The following ITPR1 variants were observed in gnomAD, a reference collection of about 807,000 sequenced individuals.
ITPR1 encodes the protein inositol 1,4,5-trisphosphate-gated calcium channel ITPR1.
In ITPR1, 96 loss-of-function variants were observed where a neutral mutation model predicts 318.4. That is an observed-to-expected ratio of 0.30 (90% CI 0.26 to 0.36). The LOEUF (loss-of-function observed/expected upper bound fraction) is 0.36. Among genes scored for constraint, ITPR1 ranks in the 10% least tolerant of loss-of-function variants. The pLI is 1.00. For missense variants in ITPR1, 2,440 were observed against 3,460.2 expected, an observed-to-expected ratio of 0.71 and a Z score of 7.40; for synonymous variants, 1,312 against 1,289.9, an observed-to-expected ratio of 1.02 and a Z score of -0.37.
chr3:4,584,799 G>A (rs566933497), intron 4 of ITPR1, among the ~76,000 whole-genome samples: 1 of 152,234 alleles, frequency 6.6e-6, no homozygotes, highest in East Asian at 1.9e-4. Flanking sequence ...CCCTTGCCCT[G>A]CAGTTCATTT....
chr3:4,727,726 C>T (rs115122129), intron 42 of ITPR1, among the ~76,000 whole-genome samples: 91 of 152,258 alleles, frequency 6.0e-4, no homozygotes, highest in Admixed American at 7.8e-4. Context: ...AGGCACCACA[C>T]CCGGCTAGTT....
At chr3:4,706,002 A>G (rs141954277) in intron 36 of ITPR1, among the ~76,000 whole-genome samples, 165 bp from the exon 37 acceptor site, 217 of 152,324 alleles carry the variant, frequency 1.4e-3, no homozygotes, top group Admixed American at 5.0e-3. Context: ...GACCTAAAAG[A>G]TGGTAAAGTT....
chr3:4,660,862 C>A, intron 13 of ITPR1, 126 bp from the exon 14 acceptor site: 43 of 428,970 alleles, frequency 1.0e-4, no homozygotes, highest in East Asian at 2.2e-4. Flanking sequence ...TTCGTGTATA[C>A]TGCCCAGTGT....
In ITPR1 at chr3:4,752,579, A is replaced by G. The variant is rs368760149; in HGVS notation, c.5545-13951A>G. On this transcript the variant is annotated intron_variant, in intron 44 of 61. Transcript: ENST00000649015. ...GCAGGCTTCTTCTGGCCATAAAGTT[A>G]TACTTCAGCTGCCATGGATGCAAAG... Among the ~76,000 whole-genome samples, 16 of 152,346 alleles carry G rather than the reference A, an allele frequency of 1.1e-4. No homozygotes were observed. In the East Asian group the frequency reaches 2.7e-3, roughly 26 times the overall value.
chr3:4,645,009 T>C (rs979272977), intron 8 of ITPR1, among the ~76,000 whole-genome samples: 1 of 152,238 alleles, frequency 6.6e-6, no homozygotes, highest in African/African-American at 2.4e-5. Flanking sequence ...TTCGAGTGTA[T>C]ACACTGGACT....
At position 4,565,891 on chromosome 3, in the gene ITPR1, T is replaced by C. The variant is rs1021561520; in HGVS notation, c.163+44797T>C. 3.9e-5 allele frequency among the ~76,000 whole-genome samples: 6 copies of C among 152,238 alleles called. No homozygotes were observed. The South Asian group carries it at 6.2e-4, about 16-fold the overall frequency. ...AAGTATATTAATATCAAAAGTGATA[T>C]TGATGTTTGAGAACATTGGGCTGCA... On this transcript the variant is annotated intron_variant, in intron 4 of 61. Coordinates refer to ENST00000649015, the MANE Select transcript of ITPR1 (RefSeq NM_001378452.1).
chr3:4,695,409 A>G (rs920571274), intron 33 of ITPR1, among the ~76,000 whole-genome samples: 3 of 152,016 alleles, frequency 2.0e-5, no homozygotes, highest in African/African-American at 7.2e-5. Flanking sequence ...TTTTATTTGA[A>G]ATACAACGGA....
At chr3:4,668,950 C>T (rs2094012544) in intron 18 of ITPR1, among the ~76,000 whole-genome samples, 2 of 152,196 alleles carry the variant, frequency 1.3e-5, no homozygotes, top group East Asian at 1.9e-4. Context: ...CATTTCTTTC[C>T]CCTTCTCTTG....
At chr3:4,701,723 G>A (rs1398053607) in intron 35 of ITPR1, among the ~76,000 whole-genome samples, 1 of 152,070 alleles carries the variant, frequency 6.6e-6, no homozygotes, top group African/African-American at 2.4e-5. Flanking sequence ...ATGCGTGACG[G>A]GAAGGTAATT....
chr3:4,652,037 C>A, intron 10 of ITPR1, 86 bp from the exon 11 acceptor site: 1 of 1,039,206 alleles, frequency 9.6e-7, no homozygotes, highest in Non-Finnish European at 1.5e-6. Context: ...AACATCCCTC[C>A]TGAACTATGA....
chr3:4,842,685 A>C (rs2051441780), intron 61 of ITPR1, among the ~76,000 whole-genome samples: 1 of 152,224 alleles, frequency 6.6e-6, no homozygotes, highest in South Asian at 2.1e-4. Flanking sequence ...TGTACTATAA[A>C]TGAGACATCT....
chr3:4,659,235 A>C (rs961520045), intron 13 of ITPR1, among the ~76,000 whole-genome samples: 5 of 152,290 alleles, frequency 3.3e-5, no homozygotes, highest in Middle Eastern at 6.8e-3. Context: ...ATTTTTGTTT[A>C]TGTAGTTTTA....
At chr3:4,619,545 CGCCCTTTCCCCCTTCCCCT>C (rs1461686452) in intron 4 of ITPR1, among the ~76,000 whole-genome samples, 5 of 144,278 alleles carry the variant, frequency 3.5e-5, no homozygotes, top group East Asian at 2.0e-4. Context: ...CCCCTTCTGC[CGCCCTTTCCCCCTTCCCCT>C]GCCCTTTCCC....
intron 61 of ITPR1, among the ~76,000 whole-genome samples, chr3:4,838,472 GTTA>G (rs2106547121): frequency 6.6e-6 from 1 of 151,832 alleles, no homozygotes; most frequent in Admixed American, 6.6e-5. Flanking sequence ...GCAAGCTTTA[GTTA>G]TCTTCTTCTC....
In ITPR1 at chr3:4,669,762, G is replaced by A. The variant is rs2094032101; in HGVS notation, c.1995G>A (p.Leu665=). Reference sequence around the variant, plus strand: ...TGAACCCCACCAACGCTGACATCCTGATTGAGACCAAGTGAGTGGGGAGCC... The same window carrying A: ...TGAACCCCACCAACGCTGACATCCTAATTGAGACCAAGTGAGTGGGGAGCC... ...AVLNPTNADI[L]IETKLVLSRF... Residue 665 remains leucine (L), a synonymous_variant, in exon 19 of 62, where the codon CTG becomes CTA. Transcript: ENST00000649015. The A allele has an allele frequency of 6.2e-7, 1 of 1,610,946 alleles. No individual in the cohort carries two copies. Among genetic ancestry groups the A allele is most frequent in the Non-Finnish European group, 8.5e-7 (1 of 1,178,238 alleles).
In ITPR1 at chr3:4,665,134, A is replaced by G; in HGVS notation, c.1555-4A>G. On this transcript the variant is annotated splice_polypyrimidine_tract_variant and splice_region_variant and intron_variant, in intron 16 of 61. Coordinates refer to ENST00000649015, the MANE Select transcript of ITPR1 (RefSeq NM_001378452.1). ...CCATTTTTGCTTTTCATTTTCACAA[A>G]CAGATCTTCAAGTTGTTACAAGCCC... is the stretch of plus-strand genomic sequence containing the variant. The G allele has an allele frequency of 6.2e-7, 1 of 1,613,982 alleles. No homozygotes were observed. Among genetic ancestry groups the G allele is most frequent in the Non-Finnish European group, 8.5e-7 (1 of 1,179,868 alleles).
chr3:4,534,884 G>A (rs974373947), intron 4 of ITPR1, among the ~76,000 whole-genome samples: 1 of 152,184 alleles, frequency 6.6e-6, no homozygotes, highest in African/African-American at 2.4e-5. Flanking sequence ...ACCCAACTTA[G>A]GTTTAGCAAT....
chr3:4,806,677 G>A (rs562236380), intron 55 of ITPR1, among the ~76,000 whole-genome samples: 3 of 152,238 alleles, frequency 2.0e-5, no homozygotes, highest in Admixed American at 6.5e-5. Flanking sequence ...CACGTGTAGC[G>A]ACCATAAGAG....
chr3:4,550,370 C>T (rs766581048), intron 4 of ITPR1, among the ~76,000 whole-genome samples: 2 of 152,232 alleles, frequency 1.3e-5, no homozygotes, highest in African/African-American at 4.8e-5. Flanking sequence ...GTCCAACCCA[C>T]AGACGCGCTG....
Sources: allele counts gnomAD v4.1 joint callset (sites outside exome capture counted in the v4.1 genomes callset), GRCh38; gene constraint gnomAD v4.1.1; transcripts MANE v1.5; gene names NCBI Gene and HGNC (gene_info 2026-07-23, HGNC 2026-07-21).